SPAG9: variants seen among roughly 807,000 people sequenced by gnomAD.
SPAG9 encodes the protein C-Jun-amino-terminal kinase-interacting protein 4.
Under a neutral mutation model 166.5 loss-of-function variants are expected in SPAG9, and 35 were observed. That is an observed-to-expected ratio of 0.21 (90% CI 0.16 to 0.28). The LOEUF (loss-of-function observed/expected upper bound fraction) is 0.28, where lower values mean the gene tolerates loss of function less well. Ranked by LOEUF, SPAG9 falls within the 10% of genes least tolerant of loss-of-function variation. The pLI, the probability that SPAG9 is intolerant of heterozygous loss-of-function variation, is 1.00. For missense variants in SPAG9, 1,235 were observed against 1,603.3 expected (o/e 0.77, Z 3.92); for synonymous variants, 534 against 565.5 (o/e 0.94, Z 0.79).
At chr17:51,079,790 C>A in intron 1 of SPAG9, 86 bp from the exon 2 acceptor site, 2 of 918,674 alleles carry the variant, frequency 2.2e-6, no homozygotes, top group Non-Finnish European at 3.3e-6. Context: ...TCAATAATCA[C>A]AATTAGGTAT....
intron 1 of SPAG9, among the ~76,000 whole-genome samples, chr17:51,101,652 T>G (rs1357143457): frequency 6.6e-6 from 1 of 151,960 alleles, no homozygotes; most frequent in Non-Finnish European, 1.5e-5. Flanking sequence ...GGATGGAGTT[T>G]CACTATTGTT....
chr17:51,072,564 T>C (rs965658975), intron 2 of SPAG9, among the ~76,000 whole-genome samples: 85 of 151,648 alleles, frequency 5.6e-4, no homozygotes, highest in Non-Finnish European at 2.1e-4. Context: ...GCACCTGAAG[T>C]CCCAGCTACT....
chr17:51,088,042 G>A (rs1420958666), intron 1 of SPAG9, among the ~76,000 whole-genome samples: 1 of 152,148 alleles, frequency 6.6e-6, no homozygotes, highest in Non-Finnish European at 1.5e-5. Flanking sequence ...ACCATGCCTG[G>A]CCCTGACCCT....
chr17:51,007,940 A>G (rs975015718), intron 9 of SPAG9: 2 of 387,776 alleles, frequency 5.2e-6, no homozygotes, highest in Admixed American at 6.3e-5. Flanking sequence ...TTATTAATCT[A>G]TAAAGTTTTA....
At chr17:51,019,538 C>T (rs2045847948) in intron 8 of SPAG9, among the ~76,000 whole-genome samples, 1 of 150,834 alleles carries the variant, frequency 6.6e-6, no homozygotes, top group Admixed American at 6.6e-5. Context: ...GCCTGGGCTA[C>T]AGAGCGAGAC....
At chr17:51,003,679 T>C (rs2045065030) in intron 12 of SPAG9, among the ~76,000 whole-genome samples, 1 of 152,220 alleles carries the variant, frequency 6.6e-6, no homozygotes, top group African/African-American at 2.4e-5. Context: ...ATCCACATTT[T>C]GGATCAAAGC....
intron 15 of SPAG9, among the ~76,000 whole-genome samples, chr17:50,996,968 C>T (rs528520489): frequency 3.3e-5 from 5 of 152,272 alleles, no homozygotes; most frequent in East Asian, 1.9e-4. Flanking sequence ...GGTAAAACCC[C>T]GTCTCTGCTA....
At chr17:51,037,572 C>G in intron 5 of SPAG9, among the ~76,000 whole-genome samples, 1 of 148,622 alleles carries the variant, frequency 6.7e-6, no homozygotes, top group Non-Finnish European at 1.5e-5. Context: ...GAGATTGCAC[C>G]ATTGCACTCC....
At chr17:51,062,384 C>T (rs2047542361) in intron 2 of SPAG9, among the ~76,000 whole-genome samples, 1 of 152,128 alleles carries the variant, frequency 6.6e-6, no homozygotes. Flanking sequence ...TAGTATCAAA[C>T]AAAATAAGTT....
chr17:51,100,744 AC>A (rs2048785755), intron 1 of SPAG9, among the ~76,000 whole-genome samples: 2 of 151,836 alleles, frequency 1.3e-5, no homozygotes, highest in South Asian at 4.2e-4. Context: ...ACATGGAGAA[AC>A]CCCCTCTCTA....
intron 4 of SPAG9, chr17:51,046,756 T>C (rs1001688627): frequency 1.3e-6 from 2 of 1,535,402 alleles, no homozygotes; most frequent in African/African-American, 2.7e-5. Flanking sequence ...TTCAGCTTGC[T>C]GCCACAAAAA....
At chr17:51,092,875 C>T (rs2048507367) in intron 1 of SPAG9, among the ~76,000 whole-genome samples, 1 of 151,926 alleles carries the variant, frequency 6.6e-6, no homozygotes, top group Non-Finnish European at 1.5e-5. Context: ...GAGTTCTAAG[C>T]TGCAGTGAGC....
chr17:51,010,009 A>C (rs1156670393), intron 9 of SPAG9, among the ~76,000 whole-genome samples: 1 of 152,168 alleles, frequency 6.6e-6, no homozygotes, highest in Admixed American at 6.5e-5. Context: ...TAAATGAAGC[A>C]CAAACTTAGG....
rs578089840 is a variant in SPAG9, at chr17:51,025,018, CA to C, written c.784-3654del. On this transcript the variant is annotated intron_variant, in intron 6 of 29. Transcript: ENST00000262013. The stretch of plus-strand genomic sequence containing the variant: ...TGGGCAACAGAGCAAGACTTCATCT[CA>C]AAAAAAAAAAAAAAATTGGCCAGGT... Among the ~76,000 whole-genome samples, 268 of 125,006 alleles carry C rather than the reference CA, an allele frequency of 2.1e-3. 1 individual carries two copies. Among genetic ancestry groups the C allele is most frequent in the Middle Eastern group, 4.1e-3 (1 of 244 alleles). The allele number at this position is 125,006 out of a possible 152,430, so 82.0% of individuals were successfully genotyped here.
intron 1 of SPAG9, among the ~76,000 whole-genome samples, chr17:51,108,913 C>T (rs890555370): frequency 1.3e-5 from 2 of 152,010 alleles, no homozygotes; most frequent in African/African-American, 4.8e-5. Context: ...TCACTGCAAC[C>T]TCCACCTCCC....
At chr17:51,001,394 C>T (rs940907138) in intron 13 of SPAG9, among the ~76,000 whole-genome samples, 1 of 152,164 alleles carries the variant, frequency 6.6e-6, no homozygotes, top group Non-Finnish European at 1.5e-5. Context: ...TCCTGTGTTG[C>T]ATATGAAATT....
chr17:51,095,142 A>G (rs2048574500), intron 1 of SPAG9, among the ~76,000 whole-genome samples: 2 of 151,822 alleles, frequency 1.3e-5, no homozygotes, highest in South Asian at 4.2e-4. Context: ...AAAAATACAA[A>G]AAAAATTAGC....
intron 21 of SPAG9, 183 bp downstream of exon 21, chr17:50,989,494 G>T: frequency 1.5e-6 from 1 of 652,884 alleles, no homozygotes; most frequent in Non-Finnish European, 2.7e-6. Context: ...CAGAAGAAAT[G>T]GGGGGGAATA....
At position 50,963,751 on chromosome 17, in the gene SPAG9, G is replaced by C. The variant is rs1973221645; in HGVS notation, c.*2521C>G. ...GGGATTAAAATTCCCAAACACTTTG[G>C]TGTCTCTTTCTTGTGAATCTATACA... On this transcript the variant is annotated 3_prime_UTR_variant, in exon 30 of 30. Transcript: ENST00000262013. 6.6e-6 allele frequency: 1 copy of C among 152,128 alleles called. No homozygotes were observed. The highest frequency in any genetic ancestry group is 1.5e-5 in the Non-Finnish European group (1 of 68,022). 9.4% of individuals were successfully genotyped at this position (152,128 alleles called of 1,614,324 possible).
Sources: allele counts gnomAD v4.1 joint callset (sites outside exome capture counted in the v4.1 genomes callset), GRCh38; gene constraint gnomAD v4.1.1; transcripts MANE v1.5; gene names NCBI Gene and HGNC (gene_info 2026-07-23, HGNC 2026-07-21).